PIP5K1B: variants seen among roughly 807,000 people sequenced by gnomAD.
The protein encoded by PIP5K1B is phosphatidylinositol-4-phosphate 5-kinase type 1 beta, also known as phosphatidylinositol 4-phosphate 5-kinase type-1 beta.
In PIP5K1B, 42 loss-of-function variants were observed where a neutral mutation model predicts 67.0. The ratio of observed to expected loss-of-function variants is 0.63; its 90% confidence interval spans 0.49 to 0.81. PIP5K1B has a LOEUF of 0.81. Ranked by LOEUF, PIP5K1B falls within the 30% of genes least tolerant of loss-of-function variation. PIP5K1B has a pLI of 0.00. For synonymous variants in PIP5K1B, 214 were observed against 231.4 expected, an observed-to-expected ratio of 0.92 and a Z score of 0.68; for missense variants, 459 against 646.3, an observed-to-expected ratio of 0.71 and a Z score of 3.14.
intron 1 of PIP5K1B, among the ~76,000 whole-genome samples, chr9:68,738,894 AT>A (rs984981030): frequency 1.3e-5 from 2 of 149,632 alleles, no homozygotes; most frequent in African/African-American, 2.5e-5. Flanking sequence ...GAAGGCCAAC[AT>A]TTTTTTTTTC....
rs146073422 is a variant in PIP5K1B at position 68,806,673 on chromosome 9, C to G, written c.-85-11788C>G. ...TTACCAGACATGCCATGGCCCTTCC[C>G]TTCTCCACGCCTGCTCCTTCCCTCC... is the stretch of plus-strand genomic sequence containing the variant. On this transcript the variant is annotated intron_variant, in intron 2 of 15. Transcript: ENST00000265382. Among the ~76,000 whole-genome samples the G allele has an allele frequency of 4.9e-3, 748 of 152,280 alleles. 7 individuals are homozygous for G. The highest frequency in any genetic ancestry group is 0.017 in the African/African-American group (711 of 41,540).
chr9:68,939,701 G>T (rs1396179937), intron 13 of PIP5K1B, among the ~76,000 whole-genome samples: 1 of 152,108 alleles, frequency 6.6e-6, no homozygotes, highest in Non-Finnish European at 1.5e-5. Flanking sequence ...TGCTTGCCTG[G>T]CTTCCCTCCA....
At chr9:68,771,156 G>T (rs1830655518) in intron 2 of PIP5K1B, among the ~76,000 whole-genome samples, 1 of 152,180 alleles carries the variant, frequency 6.6e-6, no homozygotes, top group Non-Finnish European at 1.5e-5. Context: ...CTGAACCTCA[G>T]ACTCCCTGCT....
intron 4 of PIP5K1B, among the ~76,000 whole-genome samples, chr9:68,855,115 A>G (rs1005201455): frequency 1.3e-5 from 2 of 152,206 alleles, no homozygotes; most frequent in Non-Finnish European, 2.9e-5. Flanking sequence ...TAGATATTCC[A>G]TCAAGTTGTA....
chr9:68,927,086 G>C (rs1447405077), intron 12 of PIP5K1B, among the ~76,000 whole-genome samples: 1 of 152,166 alleles, frequency 6.6e-6, no homozygotes, highest in Non-Finnish European at 1.5e-5. Context: ...AGGTTTATCT[G>C]TAGCCTCGTA....
At chr9:68,725,328 T>A (rs1828099656) in intron 1 of PIP5K1B, among the ~76,000 whole-genome samples, 2 of 152,222 alleles carry the variant, frequency 1.3e-5, no homozygotes, top group African/African-American at 4.8e-5. Flanking sequence ...CTTGACCCTA[T>A]TTGTGCATTT....
intron 3 of PIP5K1B, among the ~76,000 whole-genome samples, chr9:68,818,759 G>C (rs1274822183): frequency 6.6e-6 from 1 of 151,852 alleles, no homozygotes; most frequent in Non-Finnish European, 1.5e-5. Context: ...AAAAAACCGA[G>C]ATGTGGTCTC....
intron 1 of PIP5K1B, among the ~76,000 whole-genome samples, chr9:68,736,842 A>G (rs781035066): frequency 5.3e-5 from 8 of 152,156 alleles, no homozygotes; most frequent in Non-Finnish European, 1.0e-4. Context: ...TCCTTTTACC[A>G]TGTAAAGTAG....
At chr9:68,876,099 AAAG>A (rs916777335) in intron 5 of PIP5K1B, among the ~76,000 whole-genome samples, 1 of 152,234 alleles carries the variant, frequency 6.6e-6, no homozygotes, top group African/African-American at 2.4e-5. Flanking sequence ...AGAAAAAGGA[AAAG>A]AAGATAATGA....
intron 2 of PIP5K1B, among the ~76,000 whole-genome samples, chr9:68,809,938 C>A (rs1833071791): frequency 6.6e-6 from 1 of 152,104 alleles, no homozygotes; most frequent in Admixed American, 6.5e-5. Context: ...TGGCCCCGGG[C>A]CTAGCTTACT....
intron 1 of PIP5K1B, chr9:68,728,808 T>C (rs1292201990): frequency 2.0e-5 from 3 of 152,156 alleles, no homozygotes; most frequent in African/African-American, 7.2e-5. Context: ...GGAAAGGATA[T>C]CCAACGAGAA....
intron 14 of PIP5K1B, among the ~76,000 whole-genome samples, chr9:68,950,397 C>T (rs1023740504): frequency 2.6e-5 from 4 of 152,172 alleles, no homozygotes; most frequent in Admixed American, 6.5e-5. Flanking sequence ...ATGCAAATTT[C>T]GTCTCACCCT....
In PIP5K1B at chr9:68,822,672, A is replaced by T; in HGVS notation, c.58A>T (p.Thr20Ser). 1 of 1,611,908 alleles carries T rather than the reference A, an allele frequency of 6.2e-7. No individual in the cohort carries two copies. The highest frequency in any genetic ancestry group is 8.5e-7 in the Non-Finnish European group (1 of 1,178,300). The change falls in exon 4 of 16, where the codon ACC becomes TCC. Residue 20 changes from threonine (T) to serine (S), a missense_variant. Physicochemically the swap from Thr to Ser is moderately conservative, Grantham distance 58. This residue lies in a region of PIP5K1B where 290 missense variants were observed against 474.4 expected (regional missense o/e 0.61). Transcript: ENST00000265382. ...AAPGKQNEEK[T>S]YKKTASSAIK... is the part of the protein sequence containing the mutation. ...ACCTGGAAAACAAAATGAAGAAAAA[A>T]CCTATAAAAAGGTGAGTGTGCATTT... is the stretch of plus-strand genomic sequence containing the variant.
intron 2 of PIP5K1B, among the ~76,000 whole-genome samples, chr9:68,756,105 C>T (rs1229680232): frequency 6.6e-6 from 1 of 152,226 alleles, no homozygotes; most frequent in Non-Finnish European, 1.5e-5. Context: ...AATTGTCTTA[C>T]TCCTAAGACC....
At chr9:68,955,333 TG>T (rs1458146126) in intron 14 of PIP5K1B, among the ~76,000 whole-genome samples, 2 of 152,248 alleles carry the variant, frequency 1.3e-5, no homozygotes, top group Non-Finnish European at 2.9e-5. Flanking sequence ...TATTTGTGTT[TG>T]TAACAATAAT....
chr9:69,000,592 C>T (rs904960440), intron 15 of PIP5K1B, among the ~76,000 whole-genome samples: 1 of 152,138 alleles, frequency 6.6e-6, no homozygotes, highest in Non-Finnish European at 1.5e-5. Flanking sequence ...TGGCCTTCAT[C>T]TCCCTATGTC....
chr9:69,006,720 C>T (rs977106404), intron 15 of PIP5K1B, among the ~76,000 whole-genome samples: 3 of 152,192 alleles, frequency 2.0e-5, no homozygotes, highest in Non-Finnish European at 4.4e-5. Context: ...CTGTCCCTCT[C>T]AGAGTCTGGC....
intron 1 of PIP5K1B, among the ~76,000 whole-genome samples, chr9:68,715,293 C>T (rs1480329517): frequency 6.6e-6 from 1 of 152,144 alleles, no homozygotes; most frequent in East Asian, 1.9e-4. Flanking sequence ...AATGGCCTCC[C>T]TTTGTGCCTG....
At chr9:68,758,890 C>A (rs190539144) in intron 2 of PIP5K1B, among the ~76,000 whole-genome samples, 1 of 152,178 alleles carries the variant, frequency 6.6e-6, no homozygotes, top group Non-Finnish European at 1.5e-5. Context: ...TGTAGAGAAA[C>A]AATGATTTGA....
Sources: allele counts gnomAD v4.1 joint callset (sites outside exome capture counted in the v4.1 genomes callset), GRCh38; gene constraint gnomAD v4.1.1; regional missense constraint gnomAD v4.1.1; transcripts MANE v1.5; gene names NCBI Gene and HGNC (gene_info 2026-07-23, HGNC 2026-07-21).